The following RPL21 variants were observed in gnomAD, a reference collection of about 807,000 sequenced individuals.
RPL21 encodes large ribosomal subunit protein eL21.
RPL21 carries 1 observed loss-of-function variant against 21.2 expected under a neutral mutation model. That is an observed-to-expected ratio of 0.05 (90% CI 0.02 to 0.22). The LOEUF (loss-of-function observed/expected upper bound fraction) is 0.22. Ranked by LOEUF, RPL21 falls within the 10% of genes least tolerant of loss-of-function variation. The pLI is 1.00. For synonymous variants in RPL21, 52 were observed against 62.9 expected (o/e 0.83, Z 0.82); for missense variants, 113 against 199.4 (o/e 0.57, Z 2.61).
At chr13:27,253,681 G>A in intron 1 of RPL21, 84 bp from the exon 2 acceptor site, 1 of 782,654 alleles carries the variant, frequency 1.3e-6, no homozygotes, top group African/African-American at 1.7e-5. Flanking sequence ...CTTCGCTACT[G>A]AAATGTGAAC....
At chr13:27,252,470 T>G (rs1470267206) in intron 1 of RPL21, among the ~76,000 whole-genome samples, 1 of 152,226 alleles carries the variant, frequency 6.6e-6, no homozygotes, top group Non-Finnish European at 1.5e-5. Flanking sequence ...AAAAGTGCCT[T>G]CAGTTTTAAG....
At chr13:27,252,692 CAG>C (rs1399673393) in intron 1 of RPL21, among the ~76,000 whole-genome samples, 2 of 152,200 alleles carry the variant, frequency 1.3e-5, no homozygotes, top group East Asian at 3.8e-4. Context: ...GGGATTGGAA[CAG>C]AGTACCTGGC....
chr13:27,253,938 G>T (rs1004361553), intron 2 of RPL21, 95 bp downstream of exon 2: 49 of 813,440 alleles, frequency 6.0e-5, no homozygotes, highest in South Asian at 1.4e-4. Context: ...TGTATCAATA[G>T]AATTAAATAA....
Position 27,255,594 on chromosome 13 carries a change from C to T in RPL21, c.242+240C>T, listed in dbSNP as rs113662991. 3,495 of 640,250 alleles carry T rather than the reference C, an allele frequency of 5.5e-3. 88 individuals are homozygous for T. The highest frequency in any genetic ancestry group is 0.054 in the African/African-American group (3,029 of 56,346). 39.7% of individuals were successfully genotyped at this position (640,250 alleles called of 1,614,324 possible). On this transcript the variant is annotated intron_variant, in intron 4 of 5. Coordinates refer to ENST00000311549, the MANE Select transcript of RPL21 (RefSeq NM_000982.4). ...GCGGTTTGTTTGTTTTGTTTCGAGA[C>T]GGAGTCTTGCTCTGTCGCCCTGGCT...
At chr13:27,252,157 T>G (rs1474522459) in intron 1 of RPL21, among the ~76,000 whole-genome samples, 1 of 152,146 alleles carries the variant, frequency 6.6e-6, no homozygotes, top group Non-Finnish European at 1.5e-5. Context: ...TGATGAACCC[T>G]CACTGCCCTT....
chr13:27,255,114 C>T (rs894792703), intron 3 of RPL21, 128 bp from the exon 4 acceptor site: 1 of 775,090 alleles, frequency 1.3e-6, no homozygotes, highest in Non-Finnish European at 2.4e-6. Context: ...GTGAAAAACA[C>T]ATTTCACCGG....
intron 1 of RPL21, chr13:27,251,983 C>T (rs909464793): frequency 3.9e-5 from 6 of 152,360 alleles, no homozygotes; most frequent in African/African-American, 9.6e-5. Context: ...TAACTCCTTT[C>T]AGTGTGGCTT....
chr13:27,256,533 TAAAAA>T lies in RPL21; in HGVS notation c.*15_*19del, dbSNP rs376852805. On this transcript the variant is annotated 3_prime_UTR_variant, in exon 6 of 6. Coordinates refer to ENST00000311549, the MANE Select transcript of RPL21 (RefSeq NM_000982.4). Reference sequence around the variant, plus strand: ...TATGAATTCATGGCATAATAGGTGTTAAAAAAAAAAATAAAGGACCTCTGGGCTAC... The same window carrying T: ...TATGAATTCATGGCATAATAGGTGTTAAAAAATAAAGGACCTCTGGGCTAC... The T allele has an allele frequency of 2.0e-5, 20 of 979,252 alleles. No homozygotes were observed. The highest frequency in any genetic ancestry group is 9.9e-5 in the African/African-American group (6 of 60,642). The allele number at this position is 979,252 out of a possible 1,614,324, so 60.7% of individuals were successfully genotyped here. A position where few individuals can be genotyped will look rare whatever the true frequency, so the allele number is the denominator to read the frequency against.
In RPL21 at chr13:27,255,200, G is replaced by C. The variant is rs1296269781; in HGVS notation, c.130-42G>C. 3.5e-6 allele frequency: 3 copies of C among 845,698 alleles called. No homozygotes were observed. In the African/African-American group the frequency reaches 5.0e-5, roughly 14 times the overall value. 52.4% of individuals were successfully genotyped at this position (845,698 alleles called of 1,614,324 possible). A position where few individuals can be genotyped will look rare whatever the true frequency, so the allele number is the denominator to read the frequency against. On this transcript the variant is annotated intron_variant, in intron 3 of 5. Transcript: ENST00000311549. The stretch of plus-strand genomic sequence containing the variant: ...AGTTACTTAAAGTCAGAATTTTAAA[G>C]GAAGGGGAAATGCTGGTATATAACA...
intron 1 of RPL21, among the ~76,000 whole-genome samples, chr13:27,253,375 A>G (rs1315407412): frequency 6.6e-6 from 1 of 152,026 alleles, no homozygotes; most frequent in East Asian, 1.9e-4. Context: ...ATAAAAATGT[A>G]AGGCTGTTTT....
rs182469396 is a variant in RPL21, at chr13:27,255,823, C to T, written c.243-361C>T. ...TCCTGACCTCGTGATCTGCCTGCCT[C>T]GGCCTCCCAAAGTGCTGGGATTACA... On this transcript the variant is annotated intron_variant, in intron 4 of 5. Coordinates refer to ENST00000311549, the MANE Select transcript of RPL21 (RefSeq NM_000982.4). 171 of 324,560 alleles carry T rather than the reference C, an allele frequency of 5.3e-4. 1 individual carries two copies. In the East Asian group the frequency reaches 0.013, roughly 25 times the overall value. The allele number at this position is 324,560 out of a possible 1,614,324, so 20.1% of individuals were successfully genotyped here.
At chr13:27,255,487 A>G (rs760246668) in intron 4 of RPL21, 133 bp downstream of exon 4, 8 of 766,210 alleles carry the variant, frequency 1.0e-5, no homozygotes, top group Non-Finnish European at 1.9e-5. Context: ...AAACTCAGGC[A>G]AACTGGGTGT....
intron 3 of RPL21, 24 bp from the exon 4 acceptor site, chr13:27,255,218 A>G (rs1227374471): frequency 1.1e-6 from 1 of 889,176 alleles, no homozygotes. Flanking sequence ...AAATGCTGGT[A>G]TATAACATTG....
chr13:27,254,432 G>C (rs1386739559), intron 3 of RPL21, 151 bp downstream of exon 3: 6 of 524,842 alleles, frequency 1.1e-5, no homozygotes, highest in Non-Finnish European at 1.3e-5. Context: ...TTTCACTCTT[G>C]TTGCTCAGGC....
chr13:27,255,723 C>G (rs960623970), intron 4 of RPL21: 3 of 364,986 alleles, frequency 8.2e-6, no homozygotes, highest in Non-Finnish European at 1.6e-5. Context: ...AGGCGCCCAC[C>G]ACCATGCCCA....
At chr13:27,256,363 T>C in intron 5 of RPL21, 29 bp downstream of exon 5, 2 of 1,604,634 alleles carry the variant, frequency 1.2e-6, no homozygotes, top group South Asian at 2.2e-5. Context: ...TTTCATTGGT[T>C]CTGAGAGCAC....
At position 27,256,028 on chromosome 13, in the gene RPL21, T is replaced by G. The variant is rs186750470; in HGVS notation, c.243-156T>G. ...CAAGGCCTCTTCTGATATGATTAAT[T>G]GATTGTAAATTAAGTAATCAAGGCA... is the stretch of plus-strand genomic sequence containing the variant. On this transcript the variant is annotated intron_variant, in intron 4 of 5. Coordinates refer to ENST00000311549, the MANE Select transcript of RPL21 (RefSeq NM_000982.4). Among the ~76,000 whole-genome samples the G allele has an allele frequency of 8.2e-3, 1,255 of 152,352 alleles. 12 individuals carry two copies. Among genetic ancestry groups the G allele is most frequent in the Middle Eastern group, 0.024 (7 of 294 alleles).
intron 1 of RPL21, 77 bp from the exon 2 acceptor site, chr13:27,253,688 G>C: frequency 1.2e-6 from 1 of 805,022 alleles, no homozygotes; most frequent in Non-Finnish European, 2.2e-6. Flanking sequence ...ACTGAAATGT[G>C]AACATTTGAA....
At chr13:27,252,624 C>T (rs1438657800) in intron 1 of RPL21, among the ~76,000 whole-genome samples, 1 of 152,104 alleles carries the variant, frequency 6.6e-6, no homozygotes, top group Non-Finnish European at 1.5e-5. Context: ...ACAGTATCAC[C>T]CTTTGTGTAC....
Sources: allele counts gnomAD v4.1 joint callset (sites outside exome capture counted in the v4.1 genomes callset), GRCh38; gene constraint gnomAD v4.1.1; transcripts MANE v1.5; gene names NCBI Gene and HGNC (gene_info 2026-07-23, HGNC 2026-07-21).